The following NRF1 variants were observed in gnomAD, a reference collection of about 807,000 sequenced individuals.
NRF1 encodes the protein alpha palindromic-binding protein.
Under a neutral mutation model 58.5 loss-of-function variants are expected in NRF1, and 5 were observed. That is an observed-to-expected ratio of 0.09 (90% CI 0.04 to 0.18). The LOEUF is 0.18. Among genes scored for constraint, NRF1 ranks in the 10% least tolerant of loss-of-function variants. The probability of loss-of-function intolerance (pLI) is 1.00; values close to 1 mark genes in which losing one functional copy is unlikely to be tolerated. For missense variants in NRF1, 288 were observed against 657.7 expected, an observed-to-expected ratio of 0.44 and a Z score of 6.15; for synonymous variants, 224 against 246.7, an observed-to-expected ratio of 0.91 and a Z score of 0.86.
intron 5 of NRF1, among the ~76,000 whole-genome samples, chr7:129,693,258 G>A (rs1802611419): frequency 6.6e-6 from 1 of 152,190 alleles, no homozygotes; most frequent in African/African-American, 2.4e-5. Flanking sequence ...CTGCTGCTCA[G>A]GGGTGGCACT....
chr7:129,614,836 A>G (rs1800627921), intron 1 of NRF1, among the ~76,000 whole-genome samples: 1 of 152,148 alleles, frequency 6.6e-6, no homozygotes, highest in Non-Finnish European at 1.5e-5. Flanking sequence ...TTGTTAGGGA[A>G]CCGAAGGCCA....
Position 129,755,891 on chromosome 7 carries a change from G to A in NRF1, c.*710G>A, listed in dbSNP as rs1382336950. ...TGAGATGCTCCTCGGGCTGGCCCAG[G>A]TGCTGACCTTGCCACAGGCAGATGA... On this transcript the variant is annotated 3_prime_UTR_variant, in exon 11 of 11. Coordinates refer to ENST00000393232, the MANE Select transcript of NRF1 (RefSeq NM_005011.5). This position sits in a 1 kb window ranked among gnomAD's most constrained non-coding sequence, Gnocchi z 5.8. The A allele has an allele frequency of 6.5e-6, 1 of 152,704 alleles. No individual in the cohort carries two copies. The highest frequency in any genetic ancestry group is 1.5e-5 in the Non-Finnish European group (1 of 68,122). The allele number at this position is 152,704 out of a possible 1,614,324, so 9.5% of individuals were successfully genotyped here. A position where few individuals can be genotyped will look rare whatever the true frequency, so the allele number is the denominator to read the frequency against.
At chr7:129,679,358 T>C (rs1043982127) in intron 4 of NRF1, among the ~76,000 whole-genome samples, 1 of 151,988 alleles carries the variant, frequency 6.6e-6, no homozygotes, top group Non-Finnish European at 1.5e-5. Flanking sequence ...GTGGGAGAAA[T>C]ATTTGCAAAT....
chr7:129,637,702 T>C (rs998993424), intron 1 of NRF1, among the ~76,000 whole-genome samples: 1 of 152,234 alleles, frequency 6.6e-6, no homozygotes, highest in Non-Finnish European at 1.5e-5. Context: ...CATCATTTTA[T>C]GGATTTTTTT....
intron 2 of NRF1, among the ~76,000 whole-genome samples, chr7:129,658,531 C>G (rs1348985689): frequency 1.3e-5 from 2 of 148,596 alleles, no homozygotes; most frequent in African/African-American, 5.0e-5. Flanking sequence ...TTTGAGGGTG[C>G]AGTGAGCTAT....
intron 2 of NRF1, among the ~76,000 whole-genome samples, chr7:129,667,075 C>G (rs1481582840): frequency 6.6e-6 from 1 of 152,192 alleles, no homozygotes; most frequent in African/African-American, 2.4e-5. Context: ...GTCATACTAG[C>G]TGTAGCTTGA....
chr7:129,700,908 C>T (rs1290025964), intron 5 of NRF1, among the ~76,000 whole-genome samples: 2 of 151,858 alleles, frequency 1.3e-5, no homozygotes, highest in Non-Finnish European at 2.9e-5. Flanking sequence ...AGAGCGAGAC[C>T]CTGTCTCAAA....
chr7:129,695,191 A>T (rs948019752), intron 5 of NRF1, among the ~76,000 whole-genome samples: 35 of 152,226 alleles, frequency 2.3e-4, no homozygotes, highest in Middle Eastern at 3.4e-3. Flanking sequence ...TTCTGGGAAC[A>T]CAGAATTGAG....
intron 10 of NRF1, chr7:129,744,239 T>A (rs1286361817): frequency 6.5e-7 from 1 of 1,545,758 alleles, no homozygotes. Context: ...GGTGGGTTCA[T>A]CTTTGGGGAA....
chr7:129,612,271 C>T (rs974575656), intron 1 of NRF1, among the ~76,000 whole-genome samples: 1 of 145,538 alleles, frequency 6.9e-6, no homozygotes, highest in African/African-American at 2.5e-5. Context: ...CGGCTCGCCC[C>T]CTCGGCCCTT....
At chr7:129,662,383 A>AGT (rs3042950) in intron 2 of NRF1, among the ~76,000 whole-genome samples, 9,495 of 145,742 alleles carry the variant, frequency 0.065, 356 homozygotes, top group Non-Finnish European at 0.091. Context: ...TAGAATTTCT[A>AGT]GTGTGTGTGT....
intron 1 of NRF1, among the ~76,000 whole-genome samples, chr7:129,637,558 A>AT (rs144626689): frequency 0.026 from 3,998 of 152,352 alleles, 62 homozygotes; most frequent in Middle Eastern, 0.075. Context: ...TTTTGCATAG[A>AT]TAAAAAGTAT....
At chr7:129,742,974 TG>T (rs762782140) in intron 10 of NRF1, among the ~76,000 whole-genome samples, 1 of 152,214 alleles carries the variant, frequency 6.6e-6, no homozygotes, top group Non-Finnish European at 1.5e-5. Context: ...GAGGTTGGTC[TG>T]AACCTCTTGA....
chr7:129,687,398 C>A (rs1466824576), intron 4 of NRF1, among the ~76,000 whole-genome samples: 1 of 152,038 alleles, frequency 6.6e-6, no homozygotes, highest in Non-Finnish European at 1.5e-5. Flanking sequence ...ACCTCAGCCT[C>A]CCAAGTAGCT....
At chr7:129,723,914 T>A (rs1341582663) in intron 9 of NRF1, among the ~76,000 whole-genome samples, 1 of 152,196 alleles carries the variant, frequency 6.6e-6, no homozygotes, top group Non-Finnish European at 1.5e-5. Context: ...CCTAACACAG[T>A]GTATAAAAAT....
rs1371991970 is a variant in NRF1, at chr7:129,667,511, A to G, written c.224-3918A>G. ...ATCTATATTTTGTATTCCTTTCCCA[A>G]TAATATGTATTGTAATTATTTTCTC... On this transcript the variant is annotated intron_variant, in intron 2 of 10. Transcript: ENST00000393232. 3.3e-5 allele frequency among the ~76,000 whole-genome samples: 5 copies of G among 151,800 alleles called. No individual in the cohort carries two copies. In the South Asian group the frequency reaches 8.3e-4, roughly 25 times the overall value.
chr7:129,721,847 C>T (rs1465067848), intron 9 of NRF1, among the ~76,000 whole-genome samples: 1 of 152,008 alleles, frequency 6.6e-6, no homozygotes, highest in Non-Finnish European at 1.5e-5. Context: ...TAAAATGGGG[C>T]TTTTATATAC....
chr7:129,744,210 C>A, intron 10 of NRF1: 2 of 1,544,144 alleles, frequency 1.3e-6, no homozygotes, highest in South Asian at 2.4e-5. Flanking sequence ...GCAAGTGGAT[C>A]CTGACTGACA....
In NRF1 at chr7:129,663,926, A is replaced by G. The variant is rs181802667; in HGVS notation, c.223+6352A>G. ...GATCACCCGAGGCCAGGAGCTGGAG[A>G]CCAGTCCGGTCAACACGGCGAAACC... On this transcript the variant is annotated intron_variant, in intron 2 of 10. Transcript: ENST00000393232. 1.7e-3 allele frequency among the ~76,000 whole-genome samples: 258 copies of G among 152,292 alleles called. 1 individual carries two copies. The highest frequency in any genetic ancestry group is 5.9e-3 in the African/African-American group (246 of 41,568).
Sources: allele counts gnomAD v4.1 joint callset (sites outside exome capture counted in the v4.1 genomes callset), GRCh38; gene constraint gnomAD v4.1.1; non-coding constraint Gnocchi (gnomAD v3.1); transcripts MANE v1.5; gene names NCBI Gene and HGNC (gene_info 2026-07-23, HGNC 2026-07-21).